The following FAM53B variants were observed in gnomAD, a reference collection of about 807,000 sequenced individuals.
FAM53B encodes protein FAM53B.
A neutral mutation model predicts 32.7 loss-of-function variants in FAM53B; 12 were observed. The observed-to-expected ratio is 0.37, with a 90% confidence interval of 0.24 to 0.59. The LOEUF is 0.59. Among genes scored for constraint, FAM53B ranks in the 20% least tolerant of loss-of-function variants. FAM53B has a pLI of 0.72. For synonymous variants in FAM53B, 234 were observed against 228.7 expected (o/e 1.02, Z -0.21); for missense variants, 477 against 577.7 (o/e 0.83, Z 1.79).
chr10:124,673,501 G>A (rs1564874058), intron 4 of FAM53B, among the ~76,000 whole-genome samples: 1 of 152,092 alleles, frequency 6.6e-6, no homozygotes, highest in Non-Finnish European at 1.5e-5. Flanking sequence ...AGTTAACCCC[G>A]AGCCCTCCTG....
At chr10:124,653,207 A>C (rs1290296311) in intron 4 of FAM53B, among the ~76,000 whole-genome samples, 1 of 139,540 alleles carries the variant, frequency 7.2e-6, no homozygotes, top group Non-Finnish European at 1.6e-5. Context: ...TGCTCAGTGA[A>C]TGGGGAGAAG....
intron 1 of FAM53B, among the ~76,000 whole-genome samples, chr10:124,728,605 C>T (rs1424372371): frequency 6.6e-6 from 1 of 152,312 alleles, no homozygotes; most frequent in Non-Finnish European, 1.5e-5. Context: ...ACGACTACCG[C>T]ACAGAACAGA....
At chr10:124,632,108 G>A (rs56983409) in intron 4 of FAM53B, among the ~76,000 whole-genome samples, 8,960 of 152,294 alleles carry the variant, frequency 0.059, 823 homozygotes, top group African/African-American at 0.2. Flanking sequence ...AGAGCCACGC[G>A]TGTCCTCTGA....
chr10:124,650,769 T>C (rs568722969), intron 4 of FAM53B, among the ~76,000 whole-genome samples: 1 of 151,998 alleles, frequency 6.6e-6, no homozygotes, highest in Non-Finnish European at 1.5e-5. Flanking sequence ...CCCAGTACAA[T>C]GTCCCCAGCC....
In FAM53B at chr10:124,678,512, C is replaced by T. The variant is rs563335224; in HGVS notation, c.906+3095G>A. 9.2e-5 allele frequency among the ~76,000 whole-genome samples: 14 copies of T among 152,322 alleles called. No individual in the cohort carries two copies. The South Asian group carries it at 2.7e-3, about 29-fold the overall frequency. On this transcript the variant is annotated intron_variant, in intron 4 of 4. Transcript: ENST00000337318. Reference sequence around the variant, plus strand: ...CAGTCTCTGGCCCCACCTCTGGAGGCCTTCTGGTTTGTCAATGTCACCTTC... The same window carrying T: ...CAGTCTCTGGCCCCACCTCTGGAGGTCTTCTGGTTTGTCAATGTCACCTTC...
intron 1 of FAM53B, among the ~76,000 whole-genome samples, chr10:124,727,339 G>T (rs201535450): frequency 0.066 from 8,260 of 125,438 alleles, 1,081 homozygotes; most frequent in African/African-American, 0.22. Flanking sequence ...GTGGGGGGGG[G>T]GGGGGTGCGG....
chr10:124,677,518 A>C (rs558930444), intron 4 of FAM53B, among the ~76,000 whole-genome samples: 2 of 152,382 alleles, frequency 1.3e-5, no homozygotes, highest in East Asian at 3.9e-4. Flanking sequence ...AGTGGTTGTA[A>C]TTACAAGTAC....
Position 124,623,300 on chromosome 10 carries a change from C to A in FAM53B, c.1211G>T (p.Gly404Val). Reference protein sequence around the residue: ...AAAWRDRGAPGNSLCSLDGEL... With the variant: ...AAAWRDRGAPVNSLCSLDGEL... Reference sequence around the variant, plus strand: ...GCCGTCCAGGGAGCAGAGGCTGTTCCCAGGGGCCCCGCGGTCCCGCCAGGC... The same window carrying A: ...GCCGTCCAGGGAGCAGAGGCTGTTCACAGGGGCCCCGCGGTCCCGCCAGGC... The change falls in exon 5 of 5, where the codon GGG (glycine) becomes GTG (valine). Residue 404 changes from glycine to valine, a missense_variant. Physicochemically the swap from Gly to Val is moderately radical, Grantham distance 109. Coordinates refer to ENST00000337318, the MANE Select transcript of FAM53B (RefSeq NM_014661.4). 1 of 1,612,388 alleles carries A rather than the reference C, an allele frequency of 6.2e-7. No homozygotes were observed.
Position 124,681,690 on chromosome 10 carries a change from C to A in FAM53B, c.823G>T (p.Asp275Tyr). 6.2e-7 allele frequency: 1 copy of A among 1,612,372 alleles called. No individual in the cohort carries two copies. The highest frequency in any genetic ancestry group is 8.5e-7 in the Non-Finnish European group (1 of 1,179,256). ...RSRSQPCVLN[D>Y]KKVGVKRRRP... ...CGCCTTTTAACACCGACCTTCTTGT[C>A]GTTAAGGACACACGGCTGGGAGCGG... is the stretch of plus-strand genomic sequence containing the variant. Residue 275 changes from aspartate (D) to tyrosine (Y), a missense_variant, in exon 4 of 5, where the codon GAC (aspartate) becomes TAC (tyrosine). Asp to Tyr is a radical substitution (Grantham distance 160). Coordinates refer to ENST00000337318, the MANE Select transcript of FAM53B (RefSeq NM_014661.4).
chr10:124,625,781 G>C lies in FAM53B; in HGVS notation c.907-2177C>G, dbSNP rs928537768. ...AGGGGGCACAAAACAGGGGCAAGAT[G>C]GCCCAGCCTGGGTGGCCTCAGCCGT... On this transcript the variant is annotated intron_variant, in intron 4 of 4. Transcript: ENST00000337318. Among the ~76,000 whole-genome samples the C allele has an allele frequency of 2.0e-5, 3 of 152,216 alleles. No individual in the cohort carries two copies. The South Asian group carries it at 6.2e-4, about 31-fold the overall frequency.
intron 4 of FAM53B, among the ~76,000 whole-genome samples, chr10:124,625,295 A>G (rs775167393): frequency 6.6e-6 from 1 of 152,050 alleles, no homozygotes. Context: ...TTTTTTTGGA[A>G]TCTTTTGATT....
rs1041351569 is a variant in FAM53B at position 124,620,771 on chromosome 10, G to A, written c.*2471C>T. Reference sequence around the variant, plus strand: ...AAACACAAACATGAAACCAGCTAAAGGCCATTTCTTTCTCTAAGCAGAAGG... The same window carrying A: ...AAACACAAACATGAAACCAGCTAAAAGCCATTTCTTTCTCTAAGCAGAAGG... On this transcript the variant is annotated 3_prime_UTR_variant, in exon 5 of 5. Coordinates refer to ENST00000337318, the MANE Select transcript of FAM53B (RefSeq NM_014661.4). The A allele has an allele frequency of 1.3e-5, 2 of 152,426 alleles. No individual in the cohort carries two copies. The highest frequency in any genetic ancestry group is 6.5e-5 in the Admixed American group (1 of 15,292). The allele number at this position is 152,426 out of a possible 1,614,324, so 9.4% of individuals were successfully genotyped here.
intron 1 of FAM53B, among the ~76,000 whole-genome samples, chr10:124,739,272 T>TC (rs2134106534): frequency 1.3e-5 from 2 of 152,362 alleles, no homozygotes; most frequent in East Asian, 3.9e-4. Flanking sequence ...CTTTCTGCCT[T>TC]CCGGCTATGT....
rs887830988 is a variant in FAM53B at position 124,627,907 on chromosome 10, G to A, written c.907-4303C>T. On this transcript the variant is annotated intron_variant, in intron 4 of 4. Transcript: ENST00000337318. ...TTCCCATACTTTCTCCTGAGTCCAC[G>A]GGGATACAGACAAAGGTGGCCTGGT... is the stretch of plus-strand genomic sequence containing the variant. Among the ~76,000 whole-genome samples the A allele has an allele frequency of 5.2e-5, 7 of 134,420 alleles. No individual in the cohort carries two copies. The South Asian group carries it at 6.9e-4, about 13-fold the overall frequency. 88.2% of individuals were successfully genotyped at this position (134,420 alleles called of 152,430 possible). A position where few individuals can be genotyped will look rare whatever the true frequency, so the allele number is the denominator to read the frequency against.
intron 4 of FAM53B, among the ~76,000 whole-genome samples, chr10:124,667,615 T>C (rs1041337497): frequency 3.9e-5 from 6 of 152,022 alleles, no homozygotes; most frequent in African/African-American, 1.2e-4. Context: ...GTGCCTGGGG[T>C]GCGAGGCACC....
At chr10:124,667,216 G>C (rs757304575) in intron 4 of FAM53B, 1 of 553,366 alleles carries the variant, frequency 1.8e-6, no homozygotes, top group Non-Finnish European at 3.2e-6. Flanking sequence ...TACTTACATC[G>C]ATGACATGTG....
chr10:124,653,370 A>T (rs1283125140), intron 4 of FAM53B, among the ~76,000 whole-genome samples: 1 of 152,224 alleles, frequency 6.6e-6, no homozygotes, highest in Non-Finnish European at 1.5e-5. Flanking sequence ...GGGGCTTGCC[A>T]GAAGGGCTCT....
In FAM53B at chr10:124,633,592, T is replaced by C. The variant is rs996482966; in HGVS notation, c.907-9988A>G. Among the ~76,000 whole-genome samples the C allele has an allele frequency of 2.0e-5, 3 of 152,246 alleles. No individual in the cohort carries two copies. The South Asian group carries it at 6.2e-4, about 32-fold the overall frequency. On this transcript the variant is annotated intron_variant, in intron 4 of 4. Coordinates refer to ENST00000337318, the MANE Select transcript of FAM53B (RefSeq NM_014661.4). ...CCATAACTAAAACAGCATATTAGTATGAACGTACATGCATACCTACAGAGA... is the reference window on the plus strand; with the variant it reads ...CCATAACTAAAACAGCATATTAGTACGAACGTACATGCATACCTACAGAGA...
intron 2 of FAM53B, among the ~76,000 whole-genome samples, chr10:124,705,096 C>A (rs1949943791): frequency 6.6e-6 from 1 of 152,336 alleles, no homozygotes; most frequent in East Asian, 1.9e-4. Flanking sequence ...TGGGGAGGAG[C>A]AAAGCTGAGT....
Sources: allele counts gnomAD v4.1 joint callset (sites outside exome capture counted in the v4.1 genomes callset), GRCh38; gene constraint gnomAD v4.1.1; transcripts MANE v1.5; gene names NCBI Gene and HGNC (gene_info 2026-07-23, HGNC 2026-07-21).